POU6F2: variants seen among roughly 807,000 people sequenced by gnomAD.
POU6F2 encodes POU domain, class 6, transcription factor 2.
A neutral mutation model predicts 71.3 loss-of-function variants in POU6F2; 31 were observed. That is an observed-to-expected ratio of 0.43 (90% CI 0.33 to 0.59). POU6F2 has a LOEUF of 0.59. Ranked by LOEUF, POU6F2 falls within the 20% of genes least tolerant of loss-of-function variation. The pLI, the probability that POU6F2 is intolerant of heterozygous loss-of-function variation, is 0.04. For missense variants in POU6F2, 783 were observed against 856.8 expected (o/e 0.91, Z 1.07); for synonymous variants, 347 against 355.7 (o/e 0.98, Z 0.27).
rs868180992 is a variant in POU6F2 at position 39,094,467 on chromosome 7, G to A, written c.277+8436G>A. Among the ~76,000 whole-genome samples the A allele has an allele frequency of 1.1e-4, 16 of 151,902 alleles. 1 individual carries two copies. Among genetic ancestry groups the A allele is most frequent in the South Asian group, 4.2e-4 (2 of 4,812 alleles). On this transcript the variant is annotated intron_variant, in intron 2 of 9. Transcript: ENST00000518318. ...CAATAGTTATTAAGCACAATTTTTT[G>A]TTACACATTCCTGTAAGGATTATAT...
intron 2 of POU6F2, among the ~76,000 whole-genome samples, chr7:39,116,801 AT>A (rs201458598): frequency 6.6e-5 from 10 of 151,614 alleles, no homozygotes; most frequent in African/African-American, 1.2e-4. Context: ...AAATCTTCAG[AT>A]TTTTTTTTAT....
chr7:38,997,509 G>C (rs1019041907), intron 1 of POU6F2, among the ~76,000 whole-genome samples: 2 of 152,136 alleles, frequency 1.3e-5, no homozygotes, highest in African/African-American at 4.8e-5. Flanking sequence ...AGAGCACATC[G>C]TGCCTCTTTT....
chr7:39,139,199 C>T (rs1036475528), intron 2 of POU6F2, among the ~76,000 whole-genome samples: 1 of 152,196 alleles, frequency 6.6e-6, no homozygotes, highest in African/African-American at 2.4e-5. Context: ...AAGGTATGCT[C>T]ACTGATAGAA....
chr7:39,214,305 C>T (rs966896252), intron 4 of POU6F2, among the ~76,000 whole-genome samples: 2 of 152,190 alleles, frequency 1.3e-5, no homozygotes, highest in African/African-American at 4.8e-5. Flanking sequence ...TCTGTTCCCA[C>T]CCAGAAAGCA....
At chr7:39,379,670 T>C (rs1786785917) in intron 5 of POU6F2, among the ~76,000 whole-genome samples, 1 of 152,160 alleles carries the variant, frequency 6.6e-6, no homozygotes, top group Non-Finnish European at 1.5e-5. Context: ...ATGATTACTA[T>C]CGTTCTCCTT....
At chr7:39,044,820 T>C (rs1460782884) in intron 1 of POU6F2, among the ~76,000 whole-genome samples, 2 of 151,952 alleles carry the variant, frequency 1.3e-5, no homozygotes, top group Non-Finnish European at 2.9e-5. Context: ...TATGATGTTT[T>C]ATAAGAAGGC....
rs1783723887 is a variant in POU6F2 at position 39,241,403 on chromosome 7, G to T, written c.598+33783G>T. Among the ~76,000 whole-genome samples, 3 of 152,248 alleles carry T rather than the reference G, an allele frequency of 2.0e-5. No individual in the cohort carries two copies. The South Asian group carries it at 6.2e-4, about 32-fold the overall frequency. On this transcript the variant is annotated intron_variant, in intron 4 of 9. Coordinates refer to ENST00000518318, the MANE Select transcript of POU6F2 (RefSeq NM_001370959.1). Reference sequence around the variant, plus strand: ...AAGTCAGATGTTAAAATGCCAAATGGATGATCCAAAGATTAAGTGACAGAG... The same window carrying T: ...AAGTCAGATGTTAAAATGCCAAATGTATGATCCAAAGATTAAGTGACAGAG...
chr7:39,150,836 C>A (rs1489104907), intron 2 of POU6F2, among the ~76,000 whole-genome samples: 1 of 151,822 alleles, frequency 6.6e-6, no homozygotes, highest in African/African-American at 2.4e-5. Context: ...CATCTGTAAT[C>A]TTTTGACTTT....
chr7:39,043,822 G>T (rs1056253021), intron 1 of POU6F2, among the ~76,000 whole-genome samples: 4 of 151,912 alleles, frequency 2.6e-5, no homozygotes, highest in African/African-American at 9.7e-5. Context: ...ACATCCTCAA[G>T]TTGCTAGCTT....
At chr7:39,213,935 A>T (rs1276226766) in intron 4 of POU6F2, among the ~76,000 whole-genome samples, 1 of 152,098 alleles carries the variant, frequency 6.6e-6, no homozygotes, top group Non-Finnish European at 1.5e-5. Flanking sequence ...TCTGATGAGG[A>T]AGTTGAGGAA....
rs914319948 is a variant in POU6F2 at position 39,268,371 on chromosome 7, T to C, written c.598+60751T>C. Among the ~76,000 whole-genome samples the C allele has an allele frequency of 2.6e-5, 4 of 152,156 alleles. No individual in the cohort carries two copies. In the South Asian group the frequency reaches 6.2e-4, roughly 24 times the overall value. On this transcript the variant is annotated intron_variant, in intron 4 of 9. Transcript: ENST00000518318. ...AGTGTCTGTACTTGTGGGACAATCA[T>C]ACAAAACATGTCAGGGTGATGGCTT... is the stretch of plus-strand genomic sequence containing the variant.
chr7:39,185,273 A>C (rs149187471), intron 2 of POU6F2, among the ~76,000 whole-genome samples: 2 of 152,262 alleles, frequency 1.3e-5, no homozygotes, highest in East Asian at 3.9e-4. Flanking sequence ...TCCAGTGACG[A>C]TATACAGCAA....
chr7:39,348,206 A>C (rs1786067527), intron 5 of POU6F2, among the ~76,000 whole-genome samples: 1 of 106,232 alleles, frequency 9.4e-6, no homozygotes, highest in Non-Finnish European at 2.3e-5. Context: ...TGTGGTTTTT[A>C]GTATTTGGGT....
intron 4 of POU6F2, among the ~76,000 whole-genome samples, chr7:39,211,340 C>G (rs1794139608): frequency 1.3e-5 from 2 of 152,164 alleles, no homozygotes; most frequent in South Asian, 2.1e-4. Flanking sequence ...TCACTCACCA[C>G]CCCAGGCCTC....
intron 2 of POU6F2, among the ~76,000 whole-genome samples, chr7:39,154,611 C>A (rs1195210003): frequency 6.6e-6 from 1 of 152,134 alleles, no homozygotes; most frequent in East Asian, 1.9e-4. Context: ...TTAGAAATTG[C>A]AACCGCAGGT....
intron 4 of POU6F2, among the ~76,000 whole-genome samples, chr7:39,272,233 G>A (rs1393469913): frequency 6.6e-6 from 1 of 152,130 alleles, no homozygotes; most frequent in African/African-American, 2.4e-5. Context: ...AAATAGAAAT[G>A]TATTAAGAAC....
At chr7:39,104,753 ATAATCACCACAAAAG>A (rs1466578621) in intron 2 of POU6F2, among the ~76,000 whole-genome samples, 1 of 152,264 alleles carries the variant, frequency 6.6e-6, no homozygotes, top group African/African-American at 2.4e-5. Flanking sequence ...GACAGGTTTT[ATAATCACCACAAAAG>A]TAATATTACT....
At chr7:39,251,138 T>C (rs1783908337) in intron 4 of POU6F2, among the ~76,000 whole-genome samples, 1 of 152,232 alleles carries the variant, frequency 6.6e-6, no homozygotes, top group African/African-American at 2.4e-5. Flanking sequence ...TGGTCCCACA[T>C]TCATCTGGAA....
At chr7:39,040,345 G>A (rs986145230) in intron 1 of POU6F2, among the ~76,000 whole-genome samples, 1 of 150,042 alleles carries the variant, frequency 6.7e-6, no homozygotes, top group Non-Finnish European at 1.5e-5. Context: ...TCATTACATA[G>A]AATTAACCTG....
Sources: gnomAD v4.1 joint callset for allele counts (sites outside exome capture counted in the v4.1 genomes callset) on GRCh38, gnomAD v4.1.1 for gene constraint, MANE v1.5 for transcripts, NCBI Gene and HGNC (gene_info 2026-07-23, HGNC 2026-07-21) for gene names.